DOCK3: variants seen among roughly 807,000 people sequenced by gnomAD.
DOCK3 encodes dedicator of cytokinesis protein 3.
A neutral mutation model predicts 265.6 loss-of-function variants in DOCK3; 60 were observed. The observed-to-expected ratio is 0.23, with a 90% CI of 0.18 to 0.28. The LOEUF is 0.28. DOCK3 is among the 10% of genes least tolerant of loss of function. The pLI is 1.00. For missense variants in DOCK3, 1,981 were observed against 2,594.3 expected (o/e 0.76, Z 5.14); for synonymous variants, 881 against 938.0 (o/e 0.94, Z 1.11).
intron 9 of DOCK3, among the ~76,000 whole-genome samples, chr3:51,133,566 A>G (rs999303807): frequency 6.6e-6 from 1 of 151,942 alleles, no homozygotes; most frequent in Non-Finnish European, 1.5e-5. Context: ...TCTATCATTG[A>G]TGGACATTTG....
At chr3:50,770,983 A>G (rs1231815068) in intron 1 of DOCK3, among the ~76,000 whole-genome samples, 1 of 152,210 alleles carries the variant, frequency 6.6e-6, no homozygotes, top group Non-Finnish European at 1.5e-5. Flanking sequence ...ACAACCTCAA[A>G]CTATGAAGCT....
intron 10 of DOCK3, among the ~76,000 whole-genome samples, chr3:51,154,471 C>A (rs904508677): frequency 6.6e-6 from 1 of 152,264 alleles, no homozygotes; most frequent in Non-Finnish European, 1.5e-5. Flanking sequence ...TTAGGTTAGT[C>A]TATTGGCTGA....
At chr3:51,096,515 A>C (rs763348541) in intron 9 of DOCK3, among the ~76,000 whole-genome samples, 1 of 152,108 alleles carries the variant, frequency 6.6e-6, no homozygotes, top group Non-Finnish European at 1.5e-5. Context: ...GTTCTTCTCT[A>C]AACTGGTTAT....
At chr3:50,765,505 C>G (rs1354917160) in intron 1 of DOCK3, among the ~76,000 whole-genome samples, 1 of 152,038 alleles carries the variant, frequency 6.6e-6, no homozygotes, top group Non-Finnish European at 1.5e-5. Flanking sequence ...GAAAATGGAT[C>G]CATGATTTTA....
intron 14 of DOCK3, among the ~76,000 whole-genome samples, chr3:51,219,918 A>G (rs1051078969): frequency 1.3e-5 from 2 of 152,196 alleles, no homozygotes; most frequent in African/African-American, 2.4e-5. Context: ...AGGACAAACT[A>G]TCTATAGTGA....
intron 5 of DOCK3, among the ~76,000 whole-genome samples, chr3:50,998,169 T>G (rs186034529): frequency 3.9e-5 from 6 of 152,340 alleles, no homozygotes; most frequent in Admixed American, 1.3e-4. Flanking sequence ...AATTGCCCTG[T>G]GTCACAAAGC....
At chr3:50,708,625 G>C (rs984178470) in intron 1 of DOCK3, among the ~76,000 whole-genome samples, 1 of 152,194 alleles carries the variant, frequency 6.6e-6, no homozygotes, top group Admixed American at 6.5e-5. Flanking sequence ...CCATTGTGTG[G>C]GCTCCTGAGA....
chr3:51,172,422 C>G (rs190153425), intron 12 of DOCK3, among the ~76,000 whole-genome samples: 1 of 152,116 alleles, frequency 6.6e-6, no homozygotes. Flanking sequence ...GTCATCTGCC[C>G]GCCTTGGCCT....
intron 1 of DOCK3, chr3:50,719,738 C>G (rs578073379): frequency 4.6e-6 from 6 of 1,290,506 alleles, no homozygotes; most frequent in Non-Finnish European, 6.8e-6. Context: ...CAAATTTCTC[C>G]CTATAGATGG....
intron 19 of DOCK3, among the ~76,000 whole-genome samples, chr3:51,230,938 A>AT (rs34389350): frequency 2.7e-5 from 4 of 150,082 alleles, no homozygotes; most frequent in East Asian, 3.9e-4. Flanking sequence ...TGGTAGAATG[A>AT]TTTTTTTTTT....
intron 4 of DOCK3, among the ~76,000 whole-genome samples, chr3:50,926,247 A>G (rs1324600199): frequency 6.6e-6 from 1 of 152,282 alleles, no homozygotes; most frequent in African/African-American, 2.4e-5. Context: ...ACCAATTTTT[A>G]TATATCCATT....
chr3:51,039,058 C>T (rs546018025), intron 5 of DOCK3, among the ~76,000 whole-genome samples: 1 of 151,944 alleles, frequency 6.6e-6, no homozygotes, highest in Non-Finnish European at 1.5e-5. Context: ...TGCAGTGGCA[C>T]GATCTCGGCT....
intron 5 of DOCK3, among the ~76,000 whole-genome samples, chr3:51,040,426 C>T (rs1428371503): frequency 6.6e-6 from 1 of 152,128 alleles, no homozygotes; most frequent in Non-Finnish European, 1.5e-5. Flanking sequence ...TTTTAAAATA[C>T]TTTATTGCTA....
intron 1 of DOCK3, among the ~76,000 whole-genome samples, chr3:50,749,322 GTAGTGTA>G (rs1312384319): frequency 6.6e-6 from 1 of 152,164 alleles, no homozygotes; most frequent in African/African-American, 2.4e-5. Context: ...AAGTAAATTT[GTAGTGTA>G]TAGTGTGGCA....
intron 12 of DOCK3, among the ~76,000 whole-genome samples, chr3:51,167,883 A>G (rs1224643375): frequency 1.3e-5 from 2 of 152,182 alleles, no homozygotes; most frequent in East Asian, 3.8e-4. Context: ...TGTCATCTGC[A>G]AACAGAGACA....
At position 51,383,702 on chromosome 3, in the gene DOCK3, A is replaced by C. The variant is rs772170279; in HGVS notation, c.*2143A>C. ...TCTGAAATCCCTTTTGTTGGAGAAT[A>C]AGTCAGTCTGAGGGGAAATGGGAGG... On this transcript the variant is annotated 3_prime_UTR_variant, in exon 53 of 53. Coordinates refer to ENST00000266037, the MANE Select transcript of DOCK3 (RefSeq NM_004947.5). 1 of 152,562 alleles carries C rather than the reference A, an allele frequency of 6.6e-6. No individual in the cohort carries two copies. Among genetic ancestry groups the C allele is most frequent in the Non-Finnish European group, 1.5e-5 (1 of 68,038 alleles). 9.5% of individuals were successfully genotyped at this position (152,562 alleles called of 1,614,324 possible). A position where few individuals can be genotyped will look rare whatever the true frequency, so the allele number is the denominator to read the frequency against.
chr3:51,338,451 C>G, intron 36 of DOCK3, 32 bp downstream of exon 36: 4 of 1,550,972 alleles, frequency 2.6e-6, no homozygotes, highest in Non-Finnish European at 3.5e-6. Context: ...CTTCTCTCTG[C>G]CTACTGAAAT....
chr3:51,035,806 A>G (rs1407545824), intron 5 of DOCK3, among the ~76,000 whole-genome samples: 2 of 152,096 alleles, frequency 1.3e-5, no homozygotes, highest in Non-Finnish European at 2.9e-5. Flanking sequence ...ATTTCTCTAA[A>G]CCCCTTGAAA....
chr3:50,997,309 AAAGCAAAT>A (rs1167656726), intron 5 of DOCK3, among the ~76,000 whole-genome samples: 3 of 152,232 alleles, frequency 2.0e-5, no homozygotes, highest in South Asian at 4.1e-4. Context: ...TATTAAATAA[AAAGCAAAT>A]TATAGAGCAG....
Sources: gnomAD v4.1 joint callset for allele counts (sites outside exome capture counted in the v4.1 genomes callset) on GRCh38, gnomAD v4.1.1 for gene constraint, MANE v1.5 for transcripts, NCBI Gene and HGNC (gene_info 2026-07-23, HGNC 2026-07-21) for gene names.